The following DIP2C variants were observed in gnomAD, a reference collection of about 807,000 sequenced individuals.
DIP2C encodes the protein DIP2 acetate--CoA ligase C (putative), also known as disco-interacting protein 2 homolog C.
In DIP2C, 33 loss-of-function variants were observed where a neutral mutation model predicts 192.4. The ratio of observed to expected loss-of-function variants is 0.17; its 90% CI spans 0.13 to 0.23. The LOEUF (loss-of-function observed/expected upper bound fraction) is 0.23. Ranked by LOEUF, DIP2C falls within the 10% of genes least tolerant of loss-of-function variation. The probability of loss-of-function intolerance (pLI) is 1.00; values close to 1 mark genes in which losing one functional copy is unlikely to be tolerated. For synonymous variants in DIP2C, 979 were observed against 864.1 expected (o/e 1.13, Z -2.33); for missense variants, 1,537 against 2,110.1 (o/e 0.73, Z 5.32).
intron 1 of DIP2C, among the ~76,000 whole-genome samples, chr10:498,738 G>A (rs1845027987): frequency 6.6e-6 from 1 of 152,068 alleles, no homozygotes; most frequent in Non-Finnish European, 1.5e-5. Flanking sequence ...CCTCCTCTCA[G>A]CTCCAGCACA....
At chr10:506,371 A>AG (rs372828722) in intron 1 of DIP2C, among the ~76,000 whole-genome samples, 30 of 152,264 alleles carry the variant, frequency 2.0e-4, no homozygotes, top group African/African-American at 7.2e-4. Context: ...AGCAGCAGCA[A>AG]GGGGGATCAG....
chr10:447,611 A>G (rs1224365456), intron 3 of DIP2C, among the ~76,000 whole-genome samples: 21 of 129,944 alleles, frequency 1.6e-4, no homozygotes, highest in African/African-American at 2.6e-4. Context: ...AGCAGGACCC[A>G]CTCATCCCTG....
intron 6 of DIP2C, among the ~76,000 whole-genome samples, chr10:418,030 C>T (rs1455781083): frequency 2.0e-4 from 11 of 56,206 alleles, no homozygotes; most frequent in Non-Finnish European, 2.7e-4. Flanking sequence ...GCCTCCCTGT[C>T]CACCTGTTCC....
chr10:393,650 G>A (rs1405938103), intron 10 of DIP2C, among the ~76,000 whole-genome samples: 3 of 151,882 alleles, frequency 2.0e-5, no homozygotes, highest in African/African-American at 2.4e-5. Context: ...GCCATGGTAC[G>A]CGCCTGTAAT....
intron 1 of DIP2C, among the ~76,000 whole-genome samples, chr10:648,790 A>G (rs1460564615): frequency 1.3e-5 from 2 of 149,310 alleles, no homozygotes; most frequent in Non-Finnish European, 3.0e-5. Context: ...TCCACATTTG[A>G]CGGTGGGAGA....
At chr10:542,054 A>AC in intron 1 of DIP2C, among the ~76,000 whole-genome samples, 1 of 152,138 alleles carries the variant, frequency 6.6e-6, no homozygotes, top group Admixed American at 6.5e-5. Context: ...GGGAGCCGGC[A>AC]CCCACCCCTA....
At chr10:618,734 A>G (rs1418631977) in intron 1 of DIP2C, among the ~76,000 whole-genome samples, 4 of 152,250 alleles carry the variant, frequency 2.6e-5, no homozygotes, top group South Asian at 2.1e-4. Context: ...CCAGATCAGG[A>G]TAAGTGCTTG....
At chr10:671,428 G>GA (rs1189819230) in intron 1 of DIP2C, among the ~76,000 whole-genome samples, 24 of 119,316 alleles carry the variant, frequency 2.0e-4, no homozygotes, top group East Asian at 1.0e-3. Flanking sequence ...CGGAGGAAAC[G>GA]TCACAGACGC....
chr10:422,326 T>A (rs551737169), intron 5 of DIP2C, among the ~76,000 whole-genome samples: 5 of 152,268 alleles, frequency 3.3e-5, no homozygotes, highest in African/African-American at 1.2e-4. Flanking sequence ...TGTTCAAACG[T>A]CATAGGGCAG....
chr10:676,854 G>A (rs892183411), intron 1 of DIP2C, among the ~76,000 whole-genome samples: 1 of 152,120 alleles, frequency 6.6e-6, no homozygotes, highest in Non-Finnish European at 1.5e-5. Flanking sequence ...TAGGAAAAAT[G>A]AGGTTTAGTG....
intron 24 of DIP2C, chr10:356,183 G>A (rs1235980528): frequency 6.8e-6 from 4 of 592,552 alleles, no homozygotes; most frequent in Non-Finnish European, 1.2e-5. Flanking sequence ...CATTTTGGGG[G>A]AGAAATATTG....
chr10:535,415 A>G (rs373936960), intron 1 of DIP2C, among the ~76,000 whole-genome samples: 27 of 152,160 alleles, frequency 1.8e-4, no homozygotes, highest in African/African-American at 6.5e-4. Flanking sequence ...TCTGGAAATC[A>G]TCCACGTCTA....
At chr10:335,476 GGCACACT>G (rs1957715497) in intron 29 of DIP2C, among the ~76,000 whole-genome samples, 1 of 152,236 alleles carries the variant, frequency 6.6e-6, no homozygotes, top group South Asian at 2.1e-4. Flanking sequence ...AGTTTGCACA[GGCACACT>G]GCAAGAAAGT....
intron 8 of DIP2C, among the ~76,000 whole-genome samples, chr10:410,940 GTATTAGA>G (rs1356721139): frequency 6.6e-6 from 1 of 152,184 alleles, no homozygotes; most frequent in Non-Finnish European, 1.5e-5. Context: ...CAGCACTATT[GTATTAGA>G]TATTAATTGT....
intron 1 of DIP2C, among the ~76,000 whole-genome samples, chr10:507,199 T>C (rs1845660695): frequency 7.2e-6 from 1 of 138,414 alleles, no homozygotes; most frequent in African/African-American, 2.7e-5. Flanking sequence ...TCAGAAGCTT[T>C]TGAGGTTAGG....
At chr10:418,697 C>G (rs1481428325) in intron 6 of DIP2C, among the ~76,000 whole-genome samples, 3 of 152,226 alleles carry the variant, frequency 2.0e-5, no homozygotes, top group Non-Finnish European at 2.9e-5. Context: ...GTACATTTAA[C>G]TTCATCTTGC....
intron 29 of DIP2C, chr10:340,674 T>A (rs1361354460): frequency 4.6e-6 from 2 of 433,346 alleles, no homozygotes; most frequent in African/African-American, 4.0e-5. Flanking sequence ...TGGTCATTCA[T>A]TCATCCCATA....
At chr10:590,041 G>A (rs755228496) in intron 1 of DIP2C, among the ~76,000 whole-genome samples, 1 of 152,240 alleles carries the variant, frequency 6.6e-6, no homozygotes, top group African/African-American at 2.4e-5. Flanking sequence ...AAAGGTAGGA[G>A]TGGTTTCCAC....
intron 1 of DIP2C, among the ~76,000 whole-genome samples, chr10:491,813 A>C (rs1340784047): frequency 6.6e-6 from 1 of 152,208 alleles, no homozygotes; most frequent in African/African-American, 2.4e-5. Context: ...GAGACGTCCA[A>C]GTTGATGGGA....
Sources: gnomAD v4.1 joint callset for allele counts (sites outside exome capture counted in the v4.1 genomes callset) on GRCh38, gnomAD v4.1.1 for gene constraint, MANE v1.5 for transcripts, NCBI Gene and HGNC (gene_info 2026-07-23, HGNC 2026-07-21) for gene names.